Variants in VAV2 observed in about 807,000 individuals in gnomAD.
VAV2 encodes the protein vav guanine nucleotide exchange factor 2.
VAV2 carries 67 observed loss-of-function variants against 132.5 expected under a neutral mutation model. The observed-to-expected ratio is 0.51, with a 90% CI of 0.42 to 0.62. The LOEUF is 0.62. VAV2 is among the 20% of genes least tolerant of loss of function. VAV2 has a pLI of 0.00. For missense variants in VAV2, 938 were observed against 1,153.6 expected, an observed-to-expected ratio of 0.81 and a Z score of 2.71; for synonymous variants, 492 against 443.5, an observed-to-expected ratio of 1.11 and a Z score of -1.37.
rs1459538687 is a variant in VAV2 at position 133,958,189 on chromosome 9, C to T, written c.205-18970G>A. ...CCTGACCGTCCCCCAGCCCGACACC[C>T]GTAAAGGGTCTGTGCTGAGGAGGAT... On this transcript the variant is annotated intron_variant, in intron 1 of 29. Coordinates refer to ENST00000371850, the MANE Select transcript of VAV2 (RefSeq NM_001134398.2). Among the ~76,000 whole-genome samples, 97 of 130,990 alleles carry T rather than the reference C, an allele frequency of 7.4e-4. 1 individual carries two copies. Among genetic ancestry groups the T allele is most frequent in the African/African-American group, 2.5e-3 (94 of 37,506 alleles). The allele number at this position is 130,990 out of a possible 152,430, so 85.9% of individuals were successfully genotyped here.
rs766992472 is a variant in VAV2 at position 133,809,174 on chromosome 9, G to A, written c.568-36C>T. ...GAAGGGGGAGTCAGCAGGACCCCATGGGCCCGGCCACCTGCCACCTGCACA... is the reference window on the plus strand; with the variant it reads ...GAAGGGGGAGTCAGCAGGACCCCATAGGCCCGGCCACCTGCCACCTGCACA... On this transcript the variant is annotated intron_variant, in intron 6 of 29. Coordinates refer to ENST00000371850, the MANE Select transcript of VAV2 (RefSeq NM_001134398.2). 5 of 1,589,854 alleles carry A rather than the reference G, an allele frequency of 3.1e-6. No homozygotes were observed. In the South Asian group the frequency reaches 3.3e-5, roughly 11 times the overall value.
chr9:133,779,013 G>T, intron 21 of VAV2, 124 bp from the exon 22 acceptor site: 1 of 1,248,918 alleles, frequency 8.0e-7, no homozygotes, highest in Non-Finnish European at 1.1e-6. Flanking sequence ...CCTTGCGCCT[G>T]CATCTCCCTT....
At chr9:133,797,627 A>T (rs1834769583) in intron 10 of VAV2, 83 bp downstream of exon 10, 1 of 1,225,158 alleles carries the variant, frequency 8.2e-7, no homozygotes, top group Non-Finnish European at 1.1e-6. Context: ...AATGGGCAAG[A>T]GAGAGGCTGG....
At chr9:133,950,577 T>C (rs371106279) in intron 1 of VAV2, among the ~76,000 whole-genome samples, 4 of 152,188 alleles carry the variant, frequency 2.6e-5, no homozygotes, top group Admixed American at 1.3e-4. Flanking sequence ...AGGTTTTCTA[T>C]AAAGCTAGCA....
Position 133,821,439 on chromosome 9 carries a change from G to C in VAV2, c.450-9223C>G, listed in dbSNP as rs542970658. Among the ~76,000 whole-genome samples the C allele has an allele frequency of 5.9e-5, 9 of 152,280 alleles. No homozygotes were observed. The South Asian group carries it at 1.9e-3, about 32-fold the overall frequency. ...CTGCAACCAGGATAACCTAAGCTTC[G>C]GTTTCCCATCTGCAACAGGAGAGTG... On this transcript the variant is annotated intron_variant, in intron 4 of 29. Transcript: ENST00000371850.
In VAV2 at chr9:133,836,356, G is replaced by A. The variant is rs937522363; in HGVS notation, c.381-2016C>T. Among the ~76,000 whole-genome samples the A allele has an allele frequency of 6.6e-5, 10 of 152,168 alleles. 1 individual carries two copies. Among genetic ancestry groups the A allele is most frequent in the Admixed American group, 5.9e-4 (9 of 15,282 alleles). On this transcript the variant is annotated intron_variant, in intron 3 of 29. Coordinates refer to ENST00000371850, the MANE Select transcript of VAV2 (RefSeq NM_001134398.2). Reference sequence around the variant, plus strand: ...CCAGGACCAGCCCTGGGCTGTCCCCGCTCCCGCACCAGCCCCTCGCTTACA... The same window carrying A: ...CCAGGACCAGCCCTGGGCTGTCCCCACTCCCGCACCAGCCCCTCGCTTACA...
intron 2 of VAV2, among the ~76,000 whole-genome samples, chr9:133,868,654 G>A (rs1422643991): frequency 6.6e-6 from 1 of 152,260 alleles, no homozygotes; most frequent in Non-Finnish European, 1.5e-5. Context: ...GGCCAGAAGC[G>A]TGCATGTTTG....
intron 1 of VAV2, among the ~76,000 whole-genome samples, chr9:133,974,147 G>A (rs1344412311): frequency 6.6e-5 from 10 of 150,884 alleles, no homozygotes; most frequent in Admixed American, 4.6e-4. Flanking sequence ...AGGGCCCAGC[G>A]TCTCCTCACA....
At position 133,991,646 on chromosome 9, in the gene VAV2, G is replaced by A. The variant is rs1843023122; in HGVS notation, c.204+429C>T. ...CGCGCCCCGGGCCGGCGCAGCGACCGCGCCCGCTCTTCCACCGGCGTCCGG... is the reference window on the plus strand; with the variant it reads ...CGCGCCCCGGGCCGGCGCAGCGACCACGCCCGCTCTTCCACCGGCGTCCGG... On this transcript the variant is annotated intron_variant, in intron 1 of 29. Transcript: ENST00000371850. This position sits in a 1 kb window ranked among gnomAD's most constrained non-coding sequence, Gnocchi z 4.8. 6.6e-6 allele frequency among the ~76,000 whole-genome samples: 1 copy of A among 151,196 alleles called. No individual in the cohort carries two copies. Among genetic ancestry groups the A allele is most frequent in the Admixed American group, 6.6e-5 (1 of 15,178 alleles).
In VAV2 at chr9:133,833,533, T is replaced by C. The variant is rs139630675; in HGVS notation, c.449+739A>G. Among the ~76,000 whole-genome samples, 1,338 of 152,206 alleles carry C rather than the reference T, an allele frequency of 8.8e-3. 37 individuals are homozygous for C. The highest frequency in any genetic ancestry group is 0.054 in the Admixed American group (831 of 15,292). ...CCCGGTGGCCTGGGAGGGTGGTGGA[T>C]GAGCCAGGCCGTGAGGCCCCAGCAA... is the stretch of plus-strand genomic sequence containing the variant. On this transcript the variant is annotated intron_variant, in intron 4 of 29. Coordinates refer to ENST00000371850, the MANE Select transcript of VAV2 (RefSeq NM_001134398.2). This position sits in a 1 kb window ranked among gnomAD's most constrained non-coding sequence, Gnocchi z 5.6.
In VAV2 at chr9:133,879,153, C is replaced by T. The variant is rs554846229; in HGVS notation, c.322-17721G>A. 1.8e-4 allele frequency among the ~76,000 whole-genome samples: 27 copies of T among 152,338 alleles called. No homozygotes were observed. Among genetic ancestry groups the T allele is most frequent in the African/African-American group, 6.0e-4 (25 of 41,568 alleles). ...CTGGACCCCGTCTCAGCTGCAGACT[C>T]GCAGCAGTGCCGGAGCTCTCTGCGC... On this transcript the variant is annotated intron_variant, in intron 2 of 29. Transcript: ENST00000371850. The surrounding 1 kb of genome is among the most constrained non-coding windows in gnomAD (Gnocchi z 4.4).
intron 3 of VAV2, among the ~76,000 whole-genome samples, chr9:133,855,660 A>G (rs897450105): frequency 2.6e-5 from 4 of 152,218 alleles, no homozygotes; most frequent in African/African-American, 7.2e-5. Context: ...CGCACATGGG[A>G]AGACCAAAAG....
intron 1 of VAV2, among the ~76,000 whole-genome samples, chr9:133,945,962 A>G (rs1478000603): frequency 1.3e-5 from 2 of 152,114 alleles, no homozygotes; most frequent in African/African-American, 4.8e-5. Flanking sequence ...GGCAAGGAGA[A>G]CCCTGCCCTC....
chr9:133,834,472 AG>A lies in VAV2; in HGVS notation c.381-133del. 1 of 905,942 alleles carries A rather than the reference AG, an allele frequency of 1.1e-6. No individual in the cohort carries two copies. The highest frequency in any genetic ancestry group is 2.4e-5 in the Admixed American group (1 of 41,540). The allele number at this position is 905,942 out of a possible 1,614,324, so 56.1% of individuals were successfully genotyped here. On this transcript the variant is annotated intron_variant, in intron 3 of 29. Coordinates refer to ENST00000371850, the MANE Select transcript of VAV2 (RefSeq NM_001134398.2). The surrounding 1 kb of genome is among the most constrained non-coding windows in gnomAD (Gnocchi z 5.9). ...AAGGGGCTCTTGTCCACTCTCTGGA[AG>A]GACACAGGGTGCGCGGACACTGATC...
chr9:133,786,448 G>A (rs1334408594), intron 16 of VAV2, among the ~76,000 whole-genome samples: 1 of 152,170 alleles, frequency 6.6e-6, no homozygotes, highest in African/African-American at 2.4e-5. Context: ...GCGCCCATGT[G>A]CGAGGATGCT....
chr9:133,853,671 C>T (rs1011131038), intron 3 of VAV2, among the ~76,000 whole-genome samples: 2 of 152,178 alleles, frequency 1.3e-5, no homozygotes, highest in African/African-American at 4.8e-5. Flanking sequence ...AGCTCTGTCA[C>T]TAGCCTTGGC....
intron 2 of VAV2, among the ~76,000 whole-genome samples, chr9:133,902,309 G>A (rs1223187497): frequency 2.6e-5 from 4 of 152,334 alleles, no homozygotes; most frequent in Admixed American, 2.6e-4. Flanking sequence ...GCAGGACACA[G>A]GACACCTGGC....
chr9:133,845,108 G>A (rs931489460), intron 3 of VAV2, among the ~76,000 whole-genome samples: 11 of 152,364 alleles, frequency 7.2e-5, no homozygotes, highest in Middle Eastern at 3.4e-3. Context: ...CCGCTCTCGC[G>A]TCTGGCACAG....
At chr9:133,938,299 C>T (rs1439442208) in intron 2 of VAV2, among the ~76,000 whole-genome samples, 6 of 152,194 alleles carry the variant, frequency 3.9e-5, no homozygotes, top group South Asian at 2.1e-4. Flanking sequence ...GCACCTCCGG[C>T]GTCCAGCCCC....
Sources: allele counts gnomAD v4.1 joint callset (sites outside exome capture counted in the v4.1 genomes callset), GRCh38; gene constraint gnomAD v4.1.1; non-coding constraint Gnocchi (gnomAD v3.1); transcripts MANE v1.5; gene names NCBI Gene and HGNC (gene_info 2026-07-23, HGNC 2026-07-21).